Variants in DLG2 observed in about 807,000 individuals in gnomAD.
DLG2 encodes the protein disks large homolog 2.
In DLG2, 45 loss-of-function variants were observed where a neutral mutation model predicts 132.5. The ratio of observed to expected loss-of-function variants is 0.34; its 90% CI spans 0.27 to 0.44. The LOEUF (loss-of-function observed/expected upper bound fraction) is 0.44, where lower values mean the gene tolerates loss of function less well. DLG2 is among the 20% of genes least tolerant of loss of function. DLG2 has a pLI of 1.00. For synonymous variants in DLG2, 424 were observed against 419.6 expected (o/e 1.01, Z -0.13); for missense variants, 1,045 against 1,196.9 (o/e 0.87, Z 1.87).
At chr11:84,714,647 T>TCTCTCTCTCTCTCTC (rs2060981509) in intron 6 of DLG2, among the ~76,000 whole-genome samples, 1 of 90,650 alleles carries the variant, frequency 1.1e-5, no homozygotes, top group African/African-American at 5.9e-5. Context: ...CTCTCTCTCT[T>TCTCTCTCTCTCTCTC]TCTCTCTCTC....
chr11:84,767,529 C>A (rs561466019), intron 6 of DLG2, among the ~76,000 whole-genome samples: 3 of 152,098 alleles, frequency 2.0e-5, no homozygotes, highest in African/African-American at 7.2e-5. Context: ...TATGAGGAGC[C>A]TTAAAGGTCC....
chr11:85,521,878 CA>C (rs769026827), intron 3 of DLG2, among the ~76,000 whole-genome samples: 1 of 151,614 alleles, frequency 6.6e-6, no homozygotes, highest in Admixed American at 6.6e-5. Flanking sequence ...TTCTAAGTGG[CA>C]AATCATTAAA....
intron 7 of DLG2, among the ~76,000 whole-genome samples, chr11:84,297,316 G>T (rs1271945353): frequency 6.6e-6 from 1 of 152,124 alleles, no homozygotes; most frequent in East Asian, 1.9e-4. Context: ...GAAGGAGTGT[G>T]AACATTGGAG....
At chr11:84,131,947 G>GA (rs1566639913) in intron 9 of DLG2, among the ~76,000 whole-genome samples, 4 of 146,872 alleles carry the variant, frequency 2.7e-5, no homozygotes. Context: ...TCTACTTATT[G>GA]TTTTTTTTTT....
intron 4 of DLG2, among the ~76,000 whole-genome samples, chr11:85,155,307 G>T (rs2077518540): frequency 6.6e-6 from 1 of 152,202 alleles, no homozygotes; most frequent in East Asian, 1.9e-4. Context: ...TACTGCTGTT[G>T]TTGCAAGTAA....
chr11:83,971,815 T>A (rs2091400548), intron 12 of DLG2, among the ~76,000 whole-genome samples: 2 of 152,170 alleles, frequency 1.3e-5, no homozygotes, highest in African/African-American at 4.8e-5. Context: ...AACCAAGGAT[T>A]AAAATCTCCA....
intron 2 of DLG2, among the ~76,000 whole-genome samples, chr11:85,607,471 C>G (rs1479234175): frequency 6.6e-6 from 1 of 152,228 alleles, no homozygotes; most frequent in East Asian, 1.9e-4. Flanking sequence ...CCCCCGGGTC[C>G]TAACGCCTGC....
intron 4 of DLG2, among the ~76,000 whole-genome samples, chr11:85,166,644 T>C (rs2078471868): frequency 6.6e-6 from 1 of 150,718 alleles, no homozygotes; most frequent in African/African-American, 2.4e-5. Context: ...ACCTAGAATA[T>C]AAAAAAAAAG....
At chr11:83,815,921 C>A (rs1186123122) in intron 17 of DLG2, among the ~76,000 whole-genome samples, 2 of 152,150 alleles carry the variant, frequency 1.3e-5, no homozygotes, top group African/African-American at 4.8e-5. Context: ...CAACCCAGAT[C>A]TCTGGAATTA....
chr11:84,413,588 T>G (rs1009245546), intron 7 of DLG2, among the ~76,000 whole-genome samples: 1 of 152,122 alleles, frequency 6.6e-6, no homozygotes, highest in Non-Finnish European at 1.5e-5. Flanking sequence ...ATAAATACAG[T>G]CAAATCTCCA....
intron 7 of DLG2, among the ~76,000 whole-genome samples, chr11:84,442,340 A>G (rs1379373236): frequency 2.0e-5 from 3 of 152,110 alleles, no homozygotes; most frequent in Non-Finnish European, 2.9e-5. Context: ...TATACACCAT[A>G]GAATACTATA....
intron 7 of DLG2, among the ~76,000 whole-genome samples, chr11:84,298,396 A>G (rs901295378): frequency 6.6e-6 from 1 of 152,200 alleles, no homozygotes; most frequent in African/African-American, 2.4e-5. Flanking sequence ...TCAAAAGGAC[A>G]GAATGTGAAG....
intron 6 of DLG2, among the ~76,000 whole-genome samples, chr11:84,654,368 T>C (rs1180590421): frequency 6.6e-6 from 1 of 152,194 alleles, no homozygotes; most frequent in East Asian, 1.9e-4. Flanking sequence ...CATTCATAAA[T>C]GTTTTCTTAA....
intron 6 of DLG2, among the ~76,000 whole-genome samples, chr11:85,041,924 G>A (rs1348399820): frequency 6.6e-6 from 1 of 151,850 alleles, no homozygotes; most frequent in Non-Finnish European, 1.5e-5. Flanking sequence ...GAACATCGGA[G>A]AGTCAGAAGT....
At chr11:84,565,686 G>T (rs763611939) in intron 6 of DLG2, among the ~76,000 whole-genome samples, 9 of 152,054 alleles carry the variant, frequency 5.9e-5, no homozygotes, top group Non-Finnish European at 1.2e-4. Context: ...TTGGAGATGG[G>T]TCTGATAACA....
intron 14 of DLG2, among the ~76,000 whole-genome samples, chr11:83,945,855 T>G (rs1434657905): frequency 6.7e-6 from 1 of 148,546 alleles, no homozygotes; most frequent in Non-Finnish European, 1.5e-5. Flanking sequence ...TTTTCTAATG[T>G]GCTTTTACTT....
Position 84,933,646 on chromosome 11 carries a change from G to T in DLG2, c.357+178015C>A, listed in dbSNP as rs544254788. Among the ~76,000 whole-genome samples the T allele has an allele frequency of 5.3e-5, 8 of 152,220 alleles. No homozygotes were observed. In the South Asian group the frequency reaches 6.2e-4, roughly 12 times the overall value. The stretch of plus-strand genomic sequence containing the variant: ...CAGTTGTGAATGGGAGTTCATTCAT[G>T]ATTCGGCTCTCAGCTTGATTGTGGT... On this transcript the variant is annotated intron_variant, in intron 6 of 27. Transcript: ENST00000376104.
chr11:85,185,373 G>T (rs1263272112), intron 4 of DLG2, among the ~76,000 whole-genome samples: 3 of 151,966 alleles, frequency 2.0e-5, no homozygotes. Flanking sequence ...ATGGGTTAAA[G>T]AATTATATAA....
intron 8 of DLG2, among the ~76,000 whole-genome samples, chr11:84,237,716 T>C (rs2097175623): frequency 1.3e-5 from 2 of 152,062 alleles, no homozygotes; most frequent in East Asian, 1.9e-4. Context: ...GGGAAGTAAT[T>C]TAGGGCTGAG....
Sources: gnomAD v4.1 joint callset for allele counts (sites outside exome capture counted in the v4.1 genomes callset) on GRCh38, gnomAD v4.1.1 for gene constraint, MANE v1.5 for transcripts, NCBI Gene and HGNC (gene_info 2026-07-23, HGNC 2026-07-21) for gene names.